Variants in FRMD5 observed in about 807,000 individuals in gnomAD.
FRMD5 encodes the protein FERM domain containing 5.
FRMD5 carries 20 observed loss-of-function variants against 69.0 expected under a neutral mutation model. The ratio of observed to expected loss-of-function variants is 0.29; its 90% CI spans 0.20 to 0.42. The LOEUF (loss-of-function observed/expected upper bound fraction) is 0.42. Ranked by LOEUF, FRMD5 falls within the 10% of genes least tolerant of loss-of-function variation. The probability of loss-of-function intolerance (pLI) is 1.00; values close to 1 mark genes in which losing one functional copy is unlikely to be tolerated. For synonymous variants in FRMD5, 271 were observed against 260.1 expected (o/e 1.04, Z -0.40); for missense variants, 595 against 708.6 (o/e 0.84, Z 1.82).
chr15:43,970,519 G>T (rs1244532488), intron 1 of FRMD5, among the ~76,000 whole-genome samples: 1 of 152,166 alleles, frequency 6.6e-6, no homozygotes, highest in Admixed American at 6.5e-5. Context: ...ACCCAGGCTG[G>T]AGTGCAGTGG....
In FRMD5 at chr15:43,979,695, G is replaced by C. The variant is rs1334762257; in HGVS notation, c.103-55386C>G. ...CAAAAGTCCAAATGAATTGTCATCA[G>C]GCATTAGTGGAGATACTCTGAATAT... On this transcript the variant is annotated intron_variant, in intron 1 of 13. Transcript: ENST00000417257. Among the ~76,000 whole-genome samples the C allele has an allele frequency of 2.0e-5, 3 of 152,150 alleles. No individual in the cohort carries two copies. In the East Asian group the frequency reaches 5.8e-4, roughly 29 times the overall value.
At chr15:43,952,326 G>A (rs1254711693) in intron 1 of FRMD5, among the ~76,000 whole-genome samples, 1 of 152,106 alleles carries the variant, frequency 6.6e-6, no homozygotes, top group African/African-American at 2.4e-5. Flanking sequence ...ATACTCAACT[G>A]AAATAAAATG....
intron 1 of FRMD5, among the ~76,000 whole-genome samples, chr15:44,109,204 T>C (rs78656483): frequency 0.015 from 2,300 of 152,188 alleles, 32 homozygotes; most frequent in Middle Eastern, 0.027. Context: ...CTATGAAGTA[T>C]CAGTGCCACT....
chr15:43,985,280 C>A (rs1483450667), intron 1 of FRMD5, among the ~76,000 whole-genome samples: 335 of 77,130 alleles, frequency 4.3e-3, no homozygotes, highest in African/African-American at 9.0e-3. Flanking sequence ...GACTCCGTCT[C>A]AAAAAAAAAA....
chr15:44,141,099 A>G (rs2077268058), intron 1 of FRMD5, among the ~76,000 whole-genome samples: 1 of 152,118 alleles, frequency 6.6e-6, no homozygotes. Context: ...AAAATTTGTA[A>G]AACTGTCAGA....
intron 1 of FRMD5, among the ~76,000 whole-genome samples, chr15:44,028,590 T>C (rs1471485054): frequency 6.6e-6 from 1 of 152,112 alleles, no homozygotes; most frequent in East Asian, 1.9e-4. Context: ...ATAGTTCCCA[T>C]AAGGCACAGA....
intron 13 of FRMD5, among the ~76,000 whole-genome samples, chr15:43,878,922 T>C (rs1004893125): frequency 7.3e-5 from 11 of 149,946 alleles, no homozygotes; most frequent in Non-Finnish European, 1.3e-4. Context: ...TTTCTTTTTT[T>C]TTTTCTTTTC....
In FRMD5 at chr15:43,957,873, A is replaced by G. The variant is rs111297512; in HGVS notation, c.103-33564T>C. 6.4e-3 allele frequency among the ~76,000 whole-genome samples: 971 copies of G among 152,250 alleles called. 13 individuals are homozygous for G. The highest frequency in any genetic ancestry group is 0.022 in the African/African-American group (927 of 41,550). On this transcript the variant is annotated intron_variant, in intron 1 of 13. Coordinates refer to ENST00000417257, the MANE Select transcript of FRMD5 (RefSeq NM_032892.5). Reference sequence around the variant, plus strand: ...GTCAGTATCCTTGCATACTTACTTAATTTACTCTTCCTCCTTAACACACAG... The same window carrying G: ...GTCAGTATCCTTGCATACTTACTTAGTTTACTCTTCCTCCTTAACACACAG...
intron 1 of FRMD5, among the ~76,000 whole-genome samples, chr15:44,005,886 T>A (rs1890424508): frequency 6.6e-6 from 1 of 152,056 alleles, no homozygotes; most frequent in Non-Finnish European, 1.5e-5. Context: ...CATATCACCA[T>A]CTCCATAACA....
upstream of FRMD5, among the ~76,000 whole-genome samples, chr15:44,196,632 T>A (rs1201602602): frequency 6.6e-6 from 1 of 151,782 alleles, no homozygotes; most frequent in Non-Finnish European, 1.5e-5. Flanking sequence ...TAGAAAACTA[T>A]CCCGCCTTTA....
At chr15:44,122,760 T>C (rs2059627) in intron 1 of FRMD5, among the ~76,000 whole-genome samples, 137,509 of 152,054 alleles carry the variant, frequency 0.9, 62,675 homozygotes, top group East Asian at 1. Flanking sequence ...CAAAATTAGC[T>C]AGGCGTGGTG....
chr15:43,923,673 C>T (rs1431895456), intron 2 of FRMD5, among the ~76,000 whole-genome samples: 1 of 152,184 alleles, frequency 6.6e-6, no homozygotes, highest in East Asian at 1.9e-4. Context: ...CTGAATCTGT[C>T]TGGAATATCA....
Position 43,914,772 on chromosome 15 carries a change from C to CT in FRMD5, c.329+4686dup, listed in dbSNP as rs1398199874. Among the ~76,000 whole-genome samples the CT allele has an allele frequency of 6.5e-5, 8 of 122,702 alleles. No homozygotes were observed. The East Asian group carries it at 2.0e-3, about 30-fold the overall frequency. The allele number at this position is 122,702 out of a possible 152,430, so 80.5% of individuals were successfully genotyped here. A position where few individuals can be genotyped will look rare whatever the true frequency, so the allele number is the denominator to read the frequency against. Reference sequence around the variant, plus strand: ...GATGGAGTCTTGCTCTGTTGCCAGGCTGGAATGCAGTAGTGCAATCTCGGC... The same window carrying CT: ...GATGGAGTCTTGCTCTGTTGCCAGGCTTGGAATGCAGTAGTGCAATCTCGGC... On this transcript the variant is annotated intron_variant, in intron 4 of 13. Coordinates refer to ENST00000417257, the MANE Select transcript of FRMD5 (RefSeq NM_032892.5).
intron 1 of FRMD5, among the ~76,000 whole-genome samples, chr15:43,974,478 A>C (rs981963819): frequency 1.2e-4 from 18 of 152,196 alleles, no homozygotes; most frequent in Non-Finnish European, 2.2e-4. Flanking sequence ...TTTATGCCTT[A>C]GGATGGTCCC....
intron 13 of FRMD5, chr15:43,875,801 C>G (rs1397255136): frequency 1.1e-5 from 6 of 527,276 alleles, no homozygotes; most frequent in South Asian, 2.5e-5. Flanking sequence ...TGTCCTGGGC[C>G]TAGTTTTTTT....
At chr15:44,183,705 G>A (rs1011742113) in intron 1 of FRMD5, among the ~76,000 whole-genome samples, 1 of 152,092 alleles carries the variant, frequency 6.6e-6, no homozygotes, top group Non-Finnish European at 1.5e-5. Context: ...GATCTCAGCC[G>A]GCGCGGTGGC....
intron 1 of FRMD5, among the ~76,000 whole-genome samples, chr15:43,945,230 G>A (rs576609691): frequency 1.3e-5 from 2 of 152,274 alleles, no homozygotes; most frequent in South Asian, 4.1e-4. Flanking sequence ...ATGCTCCAGT[G>A]GCATTAGGTG....
chr15:44,002,165 C>T lies in FRMD5; in HGVS notation c.103-77856G>A, dbSNP rs567664504. Among the ~76,000 whole-genome samples, 25 of 152,252 alleles carry T rather than the reference C, an allele frequency of 1.6e-4. No individual in the cohort carries two copies. In the South Asian group the frequency reaches 5.0e-3, roughly 30 times the overall value. ...CCATCTTACCCTTTCTCTGCCCTGG[C>T]CCAGAATCAGCTAGTTCTCAAAGGC... On this transcript the variant is annotated intron_variant, in intron 1 of 13. Coordinates refer to ENST00000417257, the MANE Select transcript of FRMD5 (RefSeq NM_032892.5).
intron 1 of FRMD5, among the ~76,000 whole-genome samples, chr15:44,185,682 A>G (rs1400995861): frequency 6.6e-6 from 1 of 151,926 alleles, no homozygotes; most frequent in Non-Finnish European, 1.5e-5. Context: ...AATCCCAGCT[A>G]CTCAGGAGGC....
Sources: allele counts gnomAD v4.1 joint callset (sites outside exome capture counted in the v4.1 genomes callset), GRCh38; gene constraint gnomAD v4.1.1; transcripts MANE v1.5; gene names NCBI Gene and HGNC (gene_info 2026-07-23, HGNC 2026-07-21).